RALYL: variants seen among roughly 807,000 people sequenced by gnomAD.
RALYL encodes the protein RNA-binding Raly-like protein.
In RALYL, 29 loss-of-function variants were observed where a neutral mutation model predicts 35.1. The ratio of observed to expected loss-of-function variants is 0.83; its 90% confidence interval spans 0.61 to 1.13. RALYL has a LOEUF of 1.13. RALYL is among the 50% of genes most tolerant of loss of function. RALYL has a pLI of 0.00. For synonymous variants in RALYL, 120 were observed against 127.6 expected (o/e 0.94, Z 0.40); for missense variants, 359 against 360.4 (o/e 1.00, Z 0.03).
At chr8:84,730,765 C>T (rs561470285) in intron 2 of RALYL, among the ~76,000 whole-genome samples, 80 of 152,142 alleles carry the variant, frequency 5.3e-4, no homozygotes, top group Admixed American at 9.2e-4. Context: ...AATCTAACAG[C>T]AGCATGTCAC....
intron 1 of RALYL, among the ~76,000 whole-genome samples, chr8:84,336,715 C>T (rs1013900275): frequency 1.4e-4 from 21 of 152,002 alleles, no homozygotes; most frequent in African/African-American, 3.9e-4. Flanking sequence ...ATTTCCTTTT[C>T]GTGGTATTAA....
chr8:84,255,908 C>G (rs1586584389), intron 1 of RALYL, among the ~76,000 whole-genome samples: 1 of 151,926 alleles, frequency 6.6e-6, no homozygotes, highest in East Asian at 1.9e-4. Flanking sequence ...CCTTTTATAA[C>G]CAGGAGCATA....
intron 2 of RALYL, among the ~76,000 whole-genome samples, chr8:84,610,902 T>C (rs763206343): frequency 1.1e-4 from 17 of 151,546 alleles, no homozygotes; most frequent in Non-Finnish European, 2.2e-4. Flanking sequence ...TTTGTTTGTT[T>C]AGCATTTTCT....
chr8:84,479,518 C>T (rs114826391), intron 1 of RALYL, among the ~76,000 whole-genome samples: 118 of 152,172 alleles, frequency 7.8e-4, no homozygotes, highest in African/African-American at 2.6e-3. Flanking sequence ...CCCTGAGAAA[C>T]AAGTTCAGTT....
intron 1 of RALYL, among the ~76,000 whole-genome samples, chr8:84,335,677 G>T (rs1392099421): frequency 2.2e-5 from 3 of 133,498 alleles, no homozygotes; most frequent in Non-Finnish European, 4.7e-5. Flanking sequence ...TCAAAGAGTG[G>T]TTTAATATTT....
At chr8:84,734,910 G>A (rs1474539951) in intron 2 of RALYL, among the ~76,000 whole-genome samples, 4 of 151,846 alleles carry the variant, frequency 2.6e-5, no homozygotes, top group Non-Finnish European at 5.9e-5. Flanking sequence ...ACATGGGTTT[G>A]CAGAAGACTA....
At chr8:84,751,350 T>G (rs1163084198) in intron 2 of RALYL, among the ~76,000 whole-genome samples, 2 of 152,016 alleles carry the variant, frequency 1.3e-5, no homozygotes, top group Non-Finnish European at 2.9e-5. Flanking sequence ...TGGGATTATA[T>G]GCATGTACCA....
intron 1 of RALYL, among the ~76,000 whole-genome samples, chr8:84,228,412 A>C (rs1824500042): frequency 6.6e-6 from 1 of 152,122 alleles, no homozygotes; most frequent in Non-Finnish European, 1.5e-5. Flanking sequence ...CTGAGGTAGT[A>C]CTAGATTCTT....
intron 8 of RALYL, among the ~76,000 whole-genome samples, chr8:84,919,693 G>A (rs1849025545): frequency 6.6e-6 from 1 of 152,094 alleles, no homozygotes; most frequent in South Asian, 2.1e-4. Context: ...AAAATACAGT[G>A]TCAAAATGTC....
At chr8:84,502,522 G>A (rs2056789181) in intron 1 of RALYL, among the ~76,000 whole-genome samples, 1 of 152,014 alleles carries the variant, frequency 6.6e-6, no homozygotes, top group Non-Finnish European at 1.5e-5. Flanking sequence ...TTAAATGCTT[G>A]TGATAGGAGA....
chr8:84,840,435 T>C (rs1315729865), intron 4 of RALYL, among the ~76,000 whole-genome samples: 1 of 151,996 alleles, frequency 6.6e-6, no homozygotes, highest in East Asian at 1.9e-4. Context: ...AAAAAAGAAA[T>C]GAACAAAGCC....
chr8:84,236,519 A>G (rs76967953), intron 1 of RALYL, among the ~76,000 whole-genome samples: 5 of 152,084 alleles, frequency 3.3e-5, no homozygotes, highest in African/African-American at 9.7e-5. Flanking sequence ...TTTTTATTGT[A>G]TAATGATCCT....
At chr8:84,743,728 A>C (rs16913183) in intron 2 of RALYL, among the ~76,000 whole-genome samples, 3,068 of 152,180 alleles carry the variant, frequency 0.02, 115 homozygotes, top group African/African-American at 0.07. Context: ...GTCAACATTA[A>C]AAGGAAATTA....
chr8:84,186,196 A>G (rs1046885566), intron 1 of RALYL, among the ~76,000 whole-genome samples: 6 of 152,158 alleles, frequency 3.9e-5, no homozygotes, highest in Non-Finnish European at 5.9e-5. Flanking sequence ...TGATATCTTG[A>G]GGTGTATAGT....
chr8:84,765,670 T>C (rs1218491797), intron 2 of RALYL, among the ~76,000 whole-genome samples: 4 of 152,132 alleles, frequency 2.6e-5, no homozygotes, highest in African/African-American at 9.7e-5. Flanking sequence ...TCCGTTCACT[T>C]GTCAAACATA....
At chr8:84,833,480 A>C (rs1359656238) in intron 4 of RALYL, among the ~76,000 whole-genome samples, 6 of 151,952 alleles carry the variant, frequency 3.9e-5, no homozygotes, top group Non-Finnish European at 2.9e-5. Context: ...TCTACTAAAA[A>C]TACAAAAATT....
chr8:84,602,981 T>G (rs946871152), intron 2 of RALYL, among the ~76,000 whole-genome samples: 3 of 152,016 alleles, frequency 2.0e-5, no homozygotes, highest in Non-Finnish European at 4.4e-5. Context: ...TTTAGCAATG[T>G]GAAGTGTTGA....
At chr8:84,421,047 T>TA (rs2045505452) in intron 1 of RALYL, among the ~76,000 whole-genome samples, 1 of 131,984 alleles carries the variant, frequency 7.6e-6, no homozygotes, top group African/African-American at 3.1e-5. Context: ...TTTGGTTCCA[T>TA]ATGAACTTTA....
intron 2 of RALYL, among the ~76,000 whole-genome samples, chr8:84,709,665 T>C (rs996365083): frequency 4.6e-5 from 7 of 151,844 alleles, no homozygotes; most frequent in Admixed American, 2.6e-4. Context: ...AACTAGAAAG[T>C]GAGTACAAGC....
Sources: allele counts gnomAD v4.1 joint callset (sites outside exome capture counted in the v4.1 genomes callset), GRCh38; gene constraint gnomAD v4.1.1; transcripts MANE v1.5; gene names NCBI Gene and HGNC (gene_info 2026-07-23, HGNC 2026-07-21).